TM9SF3: variants seen among roughly 807,000 people sequenced by gnomAD.
TM9SF3 encodes SM-11044-binding protein.
A neutral mutation model predicts 78.6 loss-of-function variants in TM9SF3; 14 were observed. That is an observed-to-expected ratio of 0.18 (90% CI 0.12 to 0.28). The LOEUF (loss-of-function observed/expected upper bound fraction) is 0.28. TM9SF3 is among the 10% of genes least tolerant of loss of function. The pLI is 1.00. For missense variants in TM9SF3, 496 were observed against 721.9 expected, an observed-to-expected ratio of 0.69 and a Z score of 3.59; for synonymous variants, 231 against 241.7, an observed-to-expected ratio of 0.96 and a Z score of 0.41.
intron 3 of TM9SF3, 112 bp downstream of exon 3, chr10:96,565,192 G>T: frequency 9.6e-7 from 1 of 1,039,250 alleles, no homozygotes; most frequent in Non-Finnish European, 1.3e-6. Context: ...GTAAAAAACA[G>T]TGAAAACACA....
chr10:96,536,968 G>A (rs756907858), intron 9 of TM9SF3, among the ~76,000 whole-genome samples: 2 of 152,086 alleles, frequency 1.3e-5, no homozygotes, highest in Non-Finnish European at 2.9e-5. Context: ...CTAACCTTAC[G>A]ATTTTCTTAA....
chr10:96,546,160 C>A (rs1848096917), intron 8 of TM9SF3, among the ~76,000 whole-genome samples: 1 of 152,116 alleles, frequency 6.6e-6, no homozygotes, highest in South Asian at 2.1e-4. Context: ...TAGTTCAAAT[C>A]CTGAGATAAG....
intron 2 of TM9SF3, among the ~76,000 whole-genome samples, chr10:96,569,942 G>A (rs1197463819): frequency 1.3e-5 from 2 of 152,116 alleles, no homozygotes; most frequent in Non-Finnish European, 2.9e-5. Context: ...TGAGGCAGGA[G>A]AATCGCGTGA....
At chr10:96,571,776 C>T (rs920752465) in intron 2 of TM9SF3, among the ~76,000 whole-genome samples, 1 of 152,012 alleles carries the variant, frequency 6.6e-6, no homozygotes, top group African/African-American at 2.4e-5. Context: ...AAGGGAAGAT[C>T]GATAAAATAA....
At chr10:96,560,351 A>G in intron 4 of TM9SF3, 4 of 740,110 alleles carry the variant, frequency 5.4e-6, no homozygotes, top group Non-Finnish European at 9.9e-6. Flanking sequence ...GCAAAGGATG[A>G]ATTGCATATT....
At chr10:96,584,887 T>C (rs1479007572) in intron 1 of TM9SF3, among the ~76,000 whole-genome samples, 2 of 152,170 alleles carry the variant, frequency 1.3e-5, no homozygotes, top group Non-Finnish European at 2.9e-5. Context: ...CATGAAGTAA[T>C]ATGGATTCTA....
In TM9SF3 at chr10:96,568,625, C is replaced by T. The variant is rs976751409; in HGVS notation, c.299-3199G>A. ...TGAGTTCTCTAAGAACACAGTATGCCATACTTTGTTTACTTTCTCTTTTGA... is the reference window on the plus strand; with the variant it reads ...TGAGTTCTCTAAGAACACAGTATGCTATACTTTGTTTACTTTCTCTTTTGA... On this transcript the variant is annotated intron_variant, in intron 2 of 14. Transcript: ENST00000371142. 4.6e-5 allele frequency among the ~76,000 whole-genome samples: 7 copies of T among 152,224 alleles called. No homozygotes were observed. In the South Asian group the frequency reaches 6.2e-4, roughly 14 times the overall value.
rs987519241 is a variant in TM9SF3 at position 96,565,337 on chromosome 10, A to G, written c.388T>C (p.Tyr130His). The G allele has an allele frequency of 6.4e-7, 1 of 1,567,328 alleles. No individual in the cohort carries two copies. The highest frequency in any genetic ancestry group is 8.6e-7 in the Non-Finnish European group (1 of 1,166,624). ...FVYAIKNHYW[Y>H]QMYIDDLPIW... ...GGTAAATCATCTATGTACATCTGGT[A>G]CCAGTAATGATTTTTTATGGCATAT... Residue 130 changes from tyrosine (Y) to histidine (H), a missense_variant, in exon 3 of 15, where the codon TAC becomes CAC. Physicochemically the swap from Tyr to His is moderately conservative, Grantham distance 83. Transcript: ENST00000371142.
intron 10 of TM9SF3, among the ~76,000 whole-genome samples, chr10:96,532,284 T>C (rs950138427): frequency 8.6e-5 from 13 of 151,984 alleles, no homozygotes; most frequent in Non-Finnish European, 1.3e-4. Flanking sequence ...AAGTCTCTCA[T>C]AAGCACCAAT....
rs1301948735 is a variant in TM9SF3 at position 96,562,098 on chromosome 10, A to G, written c.462T>C (p.Tyr154=). 6.2e-7 allele frequency: 1 copy of G among 1,613,120 alleles called. No individual in the cohort carries two copies. Among genetic ancestry groups the G allele is most frequent in the Non-Finnish European group, 8.5e-7 (1 of 1,179,648 alleles). ...GEADENGEDY[Y]LWTYKKLEIG... Reference sequence around the variant, plus strand: ...TTTCAAGTTTTTTATAGGTCCAAAGATAGTAATCTTCTCCATTTTCATCAG... The same window carrying G: ...TTTCAAGTTTTTTATAGGTCCAAAGGTAGTAATCTTCTCCATTTTCATCAG... Residue 154 remains tyrosine, a synonymous_variant, in exon 4 of 15, where the codon TAT becomes TAC. Transcript: ENST00000371142.
Position 96,521,154 on chromosome 10 carries a change from T to C in TM9SF3, c.*1109A>G, listed in dbSNP as rs1402482273. 7 of 351,184 alleles carry C rather than the reference T, an allele frequency of 2.0e-5. No individual in the cohort carries two copies. In the Admixed American group the frequency reaches 3.3e-4, roughly 17 times the overall value. The allele number at this position is 351,184 out of a possible 1,614,324, so 21.8% of individuals were successfully genotyped here. ...AACAACCCCCCTCCCAAAAGAAGTA[T>C]GACACACACATTTTGAAGAAACCCC... is the stretch of plus-strand genomic sequence containing the variant. On this transcript the variant is annotated 3_prime_UTR_variant, in exon 15 of 15. Transcript: ENST00000371142.
chr10:96,559,777 C>T, intron 4 of TM9SF3, 41 bp from the exon 5 acceptor site: 1 of 1,210,664 alleles, frequency 8.3e-7, no homozygotes. Context: ...GGCCAGTAAA[C>T]AAATTAATAA....
chr10:96,586,766 G>T lies in TM9SF3; in HGVS notation c.70C>A (p.Pro24Thr). 1 of 1,263,048 alleles carries T rather than the reference G, an allele frequency of 7.9e-7. No homozygotes were observed. The highest frequency in any genetic ancestry group is 2.7e-5 in the South Asian group (1 of 37,094). The allele number at this position is 1,263,048 out of a possible 1,614,324, so 78.2% of individuals were successfully genotyped here. ...AALWLLLLLL[P>T]RTRADEHEHT... ...TCGTGCTCGTCCGCCCGGGTCCGGG[G>T]CAGCAGCAGCAGCAGCAGCCACAGC... is the stretch of plus-strand genomic sequence containing the variant. The change falls in exon 1 of 15, where the codon CCC becomes ACC. Residue 24 changes from proline (P) to threonine (T), a missense_variant. Coordinates refer to ENST00000371142, the MANE Select transcript of TM9SF3 (RefSeq NM_020123.4).
chr10:96,546,592 G>A (rs899882489), intron 8 of TM9SF3, among the ~76,000 whole-genome samples: 1 of 151,990 alleles, frequency 6.6e-6, no homozygotes, highest in African/African-American at 2.4e-5. Flanking sequence ...TATATGATAG[G>A]ACTAATTTCC....
intron 1 of TM9SF3, among the ~76,000 whole-genome samples, chr10:96,580,400 G>A (rs1241285897): frequency 1.3e-5 from 2 of 151,904 alleles, no homozygotes; most frequent in African/African-American, 2.4e-5. Flanking sequence ...TGAGTAACTA[G>A]GACTACAGGC....
At chr10:96,565,184 A>G (rs1454109839) in intron 3 of TM9SF3, 120 bp downstream of exon 3, 2 of 986,442 alleles carry the variant, frequency 2.0e-6, no homozygotes, top group Non-Finnish European at 2.7e-6. Context: ...ATCATTCTGT[A>G]AAAAACAGTG....
intron 14 of TM9SF3, among the ~76,000 whole-genome samples, chr10:96,525,296 G>C (rs957137556): frequency 6.6e-6 from 1 of 152,000 alleles, no homozygotes. Context: ...TTAACCTTCA[G>C]TCCCTCTCAT....
intron 2 of TM9SF3, among the ~76,000 whole-genome samples, chr10:96,575,070 TAA>T (rs879589541): frequency 7.0e-6 from 1 of 143,602 alleles, no homozygotes; most frequent in African/African-American, 2.5e-5. Flanking sequence ...CTTAAAGTAT[TAA>T]AAAAAAAAAA....
chr10:96,544,851 T>TA (rs942843910), intron 8 of TM9SF3, among the ~76,000 whole-genome samples: 76 of 151,804 alleles, frequency 5.0e-4, no homozygotes, highest in Non-Finnish European at 9.0e-4. Flanking sequence ...CGTGAAATAA[T>TA]AAAAAACAAA....
Sources: gnomAD v4.1 joint callset for allele counts (sites outside exome capture counted in the v4.1 genomes callset) on GRCh38, gnomAD v4.1.1 for gene constraint, MANE v1.5 for transcripts, NCBI Gene and HGNC (gene_info 2026-07-23, HGNC 2026-07-21) for gene names.